The following SOX6 variants were observed in gnomAD, a reference collection of about 807,000 sequenced individuals.
The protein encoded by SOX6 is transcription factor SOX-6.
In SOX6, 11 loss-of-function variants were observed where a neutral mutation model predicts 97.8. The ratio of observed to expected loss-of-function variants is 0.11; its 90% CI spans 0.07 to 0.19. SOX6 has a LOEUF of 0.19. Among genes scored for constraint, SOX6 ranks in the 10% least tolerant of loss-of-function variants. SOX6 has a pLI of 1.00. For synonymous variants in SOX6, 360 were observed against 371.4 expected (o/e 0.97, Z 0.35); for missense variants, 810 against 1,039.5 (o/e 0.78, Z 3.04).
chr11:16,154,284 A>G (rs2134060747), intron 6 of SOX6, among the ~76,000 whole-genome samples: 1 of 152,346 alleles, frequency 6.6e-6, no homozygotes, highest in South Asian at 2.1e-4. Flanking sequence ...GACAGTGTAA[A>G]GGGAAAAATA....
intron 3 of SOX6, among the ~76,000 whole-genome samples, chr11:16,636,907 C>A (rs893202410): frequency 6.6e-6 from 1 of 152,198 alleles, no homozygotes; most frequent in African/African-American, 2.4e-5. Context: ...CCCAGCTCCA[C>A]AGAACTTTGA....
chr11:16,049,154 T>A (rs1847617901), intron 11 of SOX6, among the ~76,000 whole-genome samples: 1 of 152,108 alleles, frequency 6.6e-6, no homozygotes, highest in Admixed American at 6.6e-5. Flanking sequence ...AGGCTCTCTG[T>A]CCAAGCCTGC....
chr11:16,021,211 G>T (rs1255890629), intron 12 of SOX6, among the ~76,000 whole-genome samples: 15 of 152,112 alleles, frequency 9.9e-5, no homozygotes, highest in Admixed American at 9.8e-4. Flanking sequence ...GGCTTAAAAA[G>T]AAGTACACAT....
chr11:16,643,953 C>G (rs537809431), intron 3 of SOX6, among the ~76,000 whole-genome samples: 11 of 152,330 alleles, frequency 7.2e-5, no homozygotes, highest in African/African-American at 2.6e-4. Context: ...GTGAGATGAA[C>G]CCAGTACCTC....
At chr11:16,099,202 T>G (rs889323607) in intron 7 of SOX6, among the ~76,000 whole-genome samples, 1 of 151,790 alleles carries the variant, frequency 6.6e-6, no homozygotes, top group Non-Finnish European at 1.5e-5. Flanking sequence ...GTTTTTCTCC[T>G]TCCATGAGGT....
intron 6 of SOX6, among the ~76,000 whole-genome samples, chr11:16,177,621 A>ATCTCTCTCTCTCTCTCTCTCTCTCTCTC (rs71044087): frequency 6.9e-6 from 1 of 145,656 alleles, no homozygotes; most frequent in Non-Finnish European, 1.5e-5. Context: ...GAATAAGATG[A>ATCTCTCTCTCTCTCTCTCTCTCTCTCTC]TCTCTCTCTC....
chr11:16,476,562 C>T (rs1860253356), upstream of SOX6, among the ~76,000 whole-genome samples: 1 of 152,144 alleles, frequency 6.6e-6, no homozygotes, highest in Admixed American at 6.5e-5. Context: ...ACAATTATTT[C>T]ATGGTTCTAC....
At chr11:16,722,418 G>A (rs1042124420) in intron 2 of SOX6, among the ~76,000 whole-genome samples, 5 of 152,152 alleles carry the variant, frequency 3.3e-5, no homozygotes, top group Admixed American at 1.3e-4. Context: ...TCCGGAGGCC[G>A]AGGCAGGCGG....
intron 4 of SOX6, among the ~76,000 whole-genome samples, chr11:16,585,026 T>C (rs1358477391): frequency 6.6e-6 from 1 of 152,166 alleles, no homozygotes; most frequent in Non-Finnish European, 1.5e-5. Flanking sequence ...CTCCACAAAT[T>C]ATGAAACTCA....
At chr11:16,206,254 A>C (rs1852069455) in intron 4 of SOX6, among the ~76,000 whole-genome samples, 1 of 152,162 alleles carries the variant, frequency 6.6e-6, no homozygotes, top group Non-Finnish European at 1.5e-5. Flanking sequence ...TTTGGCCAAC[A>C]AACTCACTAA....
intron 4 of SOX6, among the ~76,000 whole-genome samples, chr11:16,591,326 G>C (rs1373709605): frequency 5.4e-5 from 4 of 74,376 alleles, no homozygotes; most frequent in Non-Finnish European, 8.6e-5. Context: ...TACATAGATA[G>C]ATAGATAGAT....
chr11:16,269,649 T>G (rs1590079211), intron 3 of SOX6, among the ~76,000 whole-genome samples: 1 of 151,020 alleles, frequency 6.6e-6, no homozygotes, highest in East Asian at 1.9e-4. Flanking sequence ...ATATGAAATT[T>G]GTATATTTTC....
At chr11:16,081,438 T>G (rs774953368) in intron 9 of SOX6, among the ~76,000 whole-genome samples, 24 of 152,118 alleles carry the variant, frequency 1.6e-4, no homozygotes, top group Non-Finnish European at 2.8e-4. Context: ...CTTTAAGCAT[T>G]CACAGTACTA....
At chr11:16,624,229 C>T (rs938086516) in intron 3 of SOX6, among the ~76,000 whole-genome samples, 2 of 122,602 alleles carry the variant, frequency 1.6e-5, no homozygotes, top group Non-Finnish European at 3.6e-5. Flanking sequence ...TGCTCTGTTG[C>T]CAGGCTGGAG....
intron 11 of SOX6, among the ~76,000 whole-genome samples, chr11:16,048,279 T>C (rs1444472499): frequency 6.6e-6 from 1 of 152,206 alleles, no homozygotes; most frequent in Non-Finnish European, 1.5e-5. Flanking sequence ...ATCTTCTATA[T>C]GGATATCACT....
intron 3 of SOX6, among the ~76,000 whole-genome samples, chr11:16,238,239 C>A (rs974580053): frequency 1.3e-5 from 2 of 151,966 alleles, no homozygotes; most frequent in African/African-American, 4.8e-5. Context: ...TATAAATTAT[C>A]AGTTGCATTG....
At chr11:16,297,747 A>T (rs946316400) in intron 3 of SOX6, among the ~76,000 whole-genome samples, 7 of 152,218 alleles carry the variant, frequency 4.6e-5, no homozygotes, top group African/African-American at 1.7e-4. Context: ...AGGTTGTCTG[A>T]ATCAAAGTTG....
intron 4 of SOX6, among the ~76,000 whole-genome samples, chr11:16,539,056 T>C (rs1344702020): frequency 6.6e-6 from 1 of 152,164 alleles, no homozygotes; most frequent in African/African-American, 2.4e-5. Flanking sequence ...TATCCTAAAA[T>C]TGACTACTTA....
Position 16,565,919 on chromosome 11 carries a change from AC to A in SOX6, n.609+46161del, listed in dbSNP as rs1264805396. 1.1e-4 allele frequency among the ~76,000 whole-genome samples: 16 copies of A among 152,036 alleles called. 1 individual carries two copies. The South Asian group carries it at 2.5e-3, about 24-fold the overall frequency. On this transcript the variant is annotated intron_variant and non_coding_transcript_variant, in intron 4 of 5. Transcript: ENST00000524520. ...AGACCATCCTGGCTAACATGGTGAA[AC>A]CCCGTCTCTACTAAAAATACAAAAA...
Sources: gnomAD v4.1 joint callset for allele counts (sites outside exome capture counted in the v4.1 genomes callset) on GRCh38, gnomAD v4.1.1 for gene constraint, MANE v1.5 for transcripts, NCBI Gene and HGNC (gene_info 2026-07-23, HGNC 2026-07-21) for gene names.